SUN1: variants seen among roughly 807,000 people sequenced by gnomAD.
The protein encoded by SUN1 is Sad1 and UNC84 domain containing 1, also known as SUN domain-containing protein 1.
SUN1 carries 61 observed loss-of-function variants against 103.2 expected under a neutral mutation model. The observed-to-expected ratio is 0.59, with a 90% confidence interval of 0.48 to 0.73. SUN1 has a LOEUF of 0.73. Ranked by LOEUF, SUN1 falls within the 30% of genes least tolerant of loss-of-function variation. The probability of loss-of-function intolerance (pLI) is 0.00; values close to 1 mark genes in which losing one functional copy is unlikely to be tolerated. For synonymous variants in SUN1, 490 were observed against 425.7 expected (o/e 1.15, Z -1.86); for missense variants, 1,052 against 1,034.6 (o/e 1.02, Z -0.23).
upstream of SUN1, chr7:832,127 A>G (rs1475889002): frequency 9.9e-7 from 1 of 1,006,602 alleles, no homozygotes; most frequent in Non-Finnish European, 1.2e-6. Flanking sequence ...TTAGTAAAAT[A>G]AAAACTGATT....
chr7:866,721 C>CA (rs1290285166), intron 16 of SUN1, among the ~76,000 whole-genome samples: 5 of 23,700 alleles, frequency 2.1e-4, no homozygotes, highest in Admixed American at 4.0e-4. Context: ...CGCCCCCCCC[C>CA]CGCCCCCCGT....
intron 14 of SUN1, 147 bp downstream of exon 14, chr7:860,529 T>C: frequency 7.3e-7 from 1 of 1,369,472 alleles, no homozygotes; most frequent in South Asian, 1.4e-5. Flanking sequence ...AGATGAGACG[T>C]GCCTGGGCAG....
At chr7:818,991 A>G (rs866390909) in intron 1 of SUN1, among the ~76,000 whole-genome samples, 2 of 151,282 alleles carry the variant, frequency 1.3e-5, no homozygotes, top group Admixed American at 6.6e-5. Flanking sequence ...AGCCTCCCGA[A>G]TAGCTGGGAT....
chr7:845,167 C>G (rs972012866), intron 5 of SUN1, among the ~76,000 whole-genome samples: 1 of 152,216 alleles, frequency 6.6e-6, no homozygotes, highest in Non-Finnish European at 1.5e-5. Flanking sequence ...GTGTGTCTCT[C>G]TGTGACTGAC....
At chr7:871,799 T>C (rs1177116991) in intron 17 of SUN1, among the ~76,000 whole-genome samples, 4 of 152,222 alleles carry the variant, frequency 2.6e-5, no homozygotes, top group East Asian at 1.9e-4. Context: ...CATTTCAAAA[T>C]AGATATGCAA....
chr7:829,692 C>T (rs996281595), upstream of SUN1, among the ~76,000 whole-genome samples: 1 of 151,976 alleles, frequency 6.6e-6, no homozygotes, highest in African/African-American at 2.4e-5. Context: ...GTACCTGGGA[C>T]TACAGGCGCC....
intron 6 of SUN1, 26 bp from the exon 7 acceptor site, chr7:851,924 A>T: frequency 6.2e-7 from 1 of 1,606,778 alleles, no homozygotes; most frequent in African/African-American, 1.3e-5. Context: ...ACATTTCCTT[A>T]GAATGTTTGG....
upstream of SUN1, among the ~76,000 whole-genome samples, chr7:828,745 T>C (rs536983717): frequency 3.3e-5 from 5 of 152,362 alleles, no homozygotes; most frequent in South Asian, 1.0e-3. Context: ...CCCTGGCCGC[T>C]GTCTCCTGAG....
Position 843,302 on chromosome 7 carries a change from T to G in SUN1, c.479-39T>G, listed in dbSNP as rs778914456. The G allele has an allele frequency of 2.5e-6, 4 of 1,603,266 alleles. No homozygotes were observed. In the African/African-American group the frequency reaches 4.0e-5, roughly 16 times the overall value. The stretch of plus-strand genomic sequence containing the variant: ...AAGTTTTAGTTAAATATCTGCAGAC[T>G]GTGATAAACAGGTTCCATCTACTGT... On this transcript the variant is annotated intron_variant, in intron 4 of 18. Transcript: ENST00000401592.
intron 16 of SUN1, among the ~76,000 whole-genome samples, chr7:867,835 C>G (rs1276534197): frequency 6.6e-6 from 1 of 152,232 alleles, no homozygotes; most frequent in Non-Finnish European, 1.5e-5. Context: ...CACTGAACGT[C>G]AGGGAGGTTG....
chr7:838,085 C>G (rs1805262863), intron 1 of SUN1, among the ~76,000 whole-genome samples: 1 of 152,192 alleles, frequency 6.6e-6, no homozygotes, highest in Non-Finnish European at 1.5e-5. Context: ...CAGGGTCTAG[C>G]TCTGTTGCCC....
chr7:815,960 C>G (rs572298599), upstream of SUN1: 3,686 of 205,696 alleles, frequency 0.018, 53 homozygotes, highest in Non-Finnish European at 0.03. Flanking sequence ...GGGCTGCCTC[C>G]CGGAGCCGCA....
rs1394444713 is a variant in SUN1, at chr7:843,429, C to T, written c.567C>T (p.Ser189=). The T allele has an allele frequency of 6.2e-7, 1 of 1,614,064 alleles. No individual in the cohort carries two copies. Among genetic ancestry groups the T allele is most frequent in the Non-Finnish European group, 8.5e-7 (1 of 1,179,958 alleles). ...AHNGFSCSNC[S]MLSERKDVLT... is the part of the protein sequence containing the mutation. ...ACGGCTTCTCCTGCAGCAACTGCAGCATGCTGTCCGAGCGCAAGGACGTGC... is the reference window on the plus strand; with the variant it reads ...ACGGCTTCTCCTGCAGCAACTGCAGTATGCTGTCCGAGCGCAAGGACGTGC... Residue 189 remains serine, a synonymous_variant, in exon 5 of 19, where the codon AGC becomes AGT. Transcript: ENST00000401592.
chr7:854,482 G>A (rs1825288403), intron 10 of SUN1, among the ~76,000 whole-genome samples: 1 of 152,266 alleles, frequency 6.6e-6, no homozygotes, highest in Admixed American at 6.5e-5. Flanking sequence ...AGCCATGAGT[G>A]GCTGGTGCTG....
At position 869,465 on chromosome 7, in the gene SUN1, G is replaced by T; in HGVS notation, c.2097G>T (p.Thr699=). 6.2e-7 allele frequency: 1 copy of T among 1,613,770 alleles called. No homozygotes were observed. Among genetic ancestry groups the T allele is most frequent in the African/African-American group, 1.3e-5 (1 of 74,984 alleles). The change falls in exon 17 of 19, where the codon ACG becomes ACT. Residue 699 remains threonine (T), a synonymous_variant. Transcript: ENST00000401592. ...AAFTLEHIPK[T]LSPTGNISSA... ...TCACTCTGGAGCACATCCCTAAGACGCTGTCGCCAACAGGCAACATCAGCA... is the reference window on the plus strand; with the variant it reads ...TCACTCTGGAGCACATCCCTAAGACTCTGTCGCCAACAGGCAACATCAGCA...
In SUN1 at chr7:869,396, G is replaced by A; in HGVS notation, c.2028G>A (p.Gly676=). 3 of 1,613,858 alleles carry A rather than the reference G, an allele frequency of 1.9e-6. No homozygotes were observed. Among genetic ancestry groups the A allele is most frequent in the Non-Finnish European group, 2.5e-6 (3 of 1,179,860 alleles). ...GCTGGGCATTTAAAGGCTCCCAGGG[G>A]TACCTGGTGGTGAGGCTCTCCATGA... is the stretch of plus-strand genomic sequence containing the variant. The part of the protein sequence containing the change: ...GNCWAFKGSQ[G]YLVVRLSMMI... The change falls in exon 17 of 19, where the codon GGG becomes GGA. Residue 676 remains glycine (G), a synonymous_variant. Coordinates refer to ENST00000401592, the MANE Select transcript of SUN1 (RefSeq NM_001130965.3).
intron 5 of SUN1, 133 bp from the exon 6 acceptor site, chr7:851,251 T>A (rs541296190): frequency 1.6e-6 from 1 of 641,180 alleles, no homozygotes; most frequent in African/African-American, 1.8e-5. Context: ...GCTTTTCATA[T>A]TTTTTGAGGA....
Position 838,902 on chromosome 7 carries a change from C to G in SUN1, c.182C>G (p.Thr61Arg). 1 of 1,611,324 alleles carries G rather than the reference C, an allele frequency of 6.2e-7. No individual in the cohort carries two copies. The highest frequency in any genetic ancestry group is 8.5e-7 in the Non-Finnish European group (1 of 1,179,188). ...MSRRSLRLAT[T>R]ACTLGDGEAV... ...CGCCGTAGTTTGCGCCTGGCCACGA[C>G]AGCATGCACCCTGGGGGATGGTGAG... Residue 61 changes from threonine (T) to arginine (R), a missense_variant, in exon 2 of 19, where the codon ACA becomes AGA. Around this residue, in one of 2 missense-constraint regions of SUN1, gnomAD observed 846 missense variants for 774.5 expected, o/e 1.09. Coordinates refer to ENST00000401592, the MANE Select transcript of SUN1 (RefSeq NM_001130965.3).
intron 1 of SUN1, among the ~76,000 whole-genome samples, chr7:833,669 A>G (rs1800041857): frequency 6.6e-6 from 1 of 152,190 alleles, no homozygotes. Flanking sequence ...AAATTAGAAA[A>G]TATTTTAAGA....
Sources: gnomAD v4.1 joint callset for allele counts (sites outside exome capture counted in the v4.1 genomes callset) on GRCh38, gnomAD v4.1.1 for gene constraint, gnomAD v4.1.1 regional missense constraint, MANE v1.5 for transcripts, NCBI Gene and HGNC (gene_info 2026-07-23, HGNC 2026-07-21) for gene names.